Variants in RAD51B observed in about 807,000 individuals in gnomAD.
RAD51B encodes DNA repair protein RAD51 homolog 2.
RAD51B carries 38 observed loss-of-function variants against 42.2 expected under a neutral mutation model. That is an observed-to-expected ratio of 0.90 (90% confidence interval 0.70 to 1.18). RAD51B has a LOEUF of 1.18. Ranked by LOEUF, RAD51B falls within the 50% of genes most tolerant of loss-of-function variation. The probability of loss-of-function intolerance (pLI) is 0.00; values close to 1 mark genes in which losing one functional copy is unlikely to be tolerated. For synonymous variants in RAD51B, 154 were observed against 145.2 expected, an observed-to-expected ratio of 1.06 and a Z score of -0.43; for missense variants, 373 against 400.7, an observed-to-expected ratio of 0.93 and a Z score of 0.59.
chr14:68,225,381 T>C (rs2080016768), intron 7 of RAD51B, among the ~76,000 whole-genome samples: 1 of 152,232 alleles, frequency 6.6e-6, no homozygotes, highest in Admixed American at 6.5e-5. Flanking sequence ...ATTAGAAACA[T>C]GCTGAGAACT....
intron 10 of RAD51B, among the ~76,000 whole-genome samples, chr14:68,641,791 G>A (rs1892467487): frequency 1.3e-5 from 2 of 151,390 alleles, no homozygotes; most frequent in South Asian, 4.2e-4. Context: ...CAACTCCTGG[G>A]TTCAAGTGAT....
intron 7 of RAD51B, among the ~76,000 whole-genome samples, chr14:68,139,420 A>C (rs2078079124): frequency 6.6e-6 from 1 of 152,244 alleles, no homozygotes; most frequent in Admixed American, 6.5e-5. Context: ...CTTTGTATAA[A>C]ATTGTTCTTG....
chr14:68,257,398 TA>T (rs1473295299), intron 7 of RAD51B, among the ~76,000 whole-genome samples: 2 of 152,094 alleles, frequency 1.3e-5, no homozygotes, highest in Non-Finnish European at 2.9e-5. Flanking sequence ...AACAAAAAAT[TA>T]AAAATTAAAA....
At chr14:67,983,656 A>C (rs2075133628) in intron 7 of RAD51B, among the ~76,000 whole-genome samples, 1 of 152,154 alleles carries the variant, frequency 6.6e-6, no homozygotes, top group Non-Finnish European at 1.5e-5. Flanking sequence ...GCAGTGATTT[A>C]CCTAAGATGA....
intron 1 of RAD51B, among the ~76,000 whole-genome samples, chr14:67,821,086 G>A (rs1285250800): frequency 6.6e-6 from 1 of 152,210 alleles, no homozygotes; most frequent in African/African-American, 2.4e-5. Flanking sequence ...GCTACTCAAG[G>A]CAGGATTGTG....
intron 8 of RAD51B, among the ~76,000 whole-genome samples, chr14:68,392,898 C>T (rs2083799695): frequency 6.6e-6 from 1 of 152,208 alleles, no homozygotes. Context: ...GCCCTGTCAG[C>T]AGAACAGCTT....
At chr14:68,103,710 C>T (rs2077329718) in intron 7 of RAD51B, among the ~76,000 whole-genome samples, 1 of 152,038 alleles carries the variant, frequency 6.6e-6, no homozygotes, top group African/African-American at 2.4e-5. Context: ...CATGTCCTAC[C>T]CGCAAGGACA....
chr14:67,824,874 C>T (rs556797791), intron 2 of RAD51B, among the ~76,000 whole-genome samples: 2 of 151,174 alleles, frequency 1.3e-5, no homozygotes, highest in African/African-American at 2.4e-5. Flanking sequence ...GTCAGGAGTT[C>T]GAGACTAGCC....
At chr14:68,220,482 G>A (rs539028796) in intron 7 of RAD51B, among the ~76,000 whole-genome samples, 46 of 152,208 alleles carry the variant, frequency 3.0e-4, no homozygotes, top group East Asian at 1.5e-3. Context: ...AATATAAGCC[G>A]TCTATGACAC....
intron 5 of RAD51B, among the ~76,000 whole-genome samples, chr14:67,883,912 A>C (rs2042990911): frequency 6.6e-6 from 1 of 152,166 alleles, no homozygotes; most frequent in African/African-American, 2.4e-5. Context: ...TGCTTTTTAT[A>C]AACAGATATC....
intron 7 of RAD51B, among the ~76,000 whole-genome samples, chr14:68,044,220 G>A (rs570681047): frequency 6.6e-6 from 1 of 152,302 alleles, no homozygotes; most frequent in Admixed American, 6.5e-5. Context: ...AATTTACATG[G>A]ATATCTTTAG....
At chr14:68,054,577 A>G (rs760074226) in intron 7 of RAD51B, among the ~76,000 whole-genome samples, 20 of 152,122 alleles carry the variant, frequency 1.3e-4, no homozygotes, top group Non-Finnish European at 1.9e-4. Flanking sequence ...CAATAAATTT[A>G]CTTATTTACT....
intron 7 of RAD51B, among the ~76,000 whole-genome samples, chr14:68,120,936 A>C (rs1429617023): frequency 6.6e-6 from 1 of 152,166 alleles, no homozygotes; most frequent in African/African-American, 2.4e-5. Flanking sequence ...ATGCTTAAAA[A>C]GACATATTTT....
At chr14:68,011,057 A>T (rs895399295) in intron 7 of RAD51B, among the ~76,000 whole-genome samples, 1 of 151,974 alleles carries the variant, frequency 6.6e-6, no homozygotes, top group African/African-American at 2.4e-5. Context: ...TAATACTTCT[A>T]ATTTTCCAAG....
intron 7 of RAD51B, among the ~76,000 whole-genome samples, chr14:68,139,744 C>A (rs2078087633): frequency 6.6e-6 from 1 of 152,194 alleles, no homozygotes; most frequent in African/African-American, 2.4e-5. Context: ...CACTTTAAGC[C>A]TTTGGAAAAA....
chr14:68,213,790 TC>T (rs2079759140), intron 7 of RAD51B, among the ~76,000 whole-genome samples: 1 of 151,884 alleles, frequency 6.6e-6, no homozygotes, highest in African/African-American at 2.4e-5. Flanking sequence ...TGGATTTACA[TC>T]CTAAGAGGAA....
At chr14:67,993,352 C>T (rs1409640655) in intron 7 of RAD51B, among the ~76,000 whole-genome samples, 2 of 152,084 alleles carry the variant, frequency 1.3e-5, no homozygotes, top group African/African-American at 4.8e-5. Flanking sequence ...CGCTACACTC[C>T]CCAGCCTCTG....
chr14:67,921,622 C>CACAT (rs1491508018), intron 7 of RAD51B, among the ~76,000 whole-genome samples: 31 of 128,256 alleles, frequency 2.4e-4, no homozygotes, highest in African/African-American at 8.9e-4. Context: ...CACACACACA[C>CACAT]ATTTTGTGGT....
At chr14:68,416,120 C>A (rs1386798304) in intron 9 of RAD51B, among the ~76,000 whole-genome samples, 1 of 152,156 alleles carries the variant, frequency 6.6e-6, no homozygotes, top group African/African-American at 2.4e-5. Context: ...AGCTGCTGAT[C>A]CACACTTGAA....
Sources: gnomAD v4.1 joint callset for allele counts (sites outside exome capture counted in the v4.1 genomes callset) on GRCh38, gnomAD v4.1.1 for gene constraint, MANE v1.5 for transcripts, NCBI Gene and HGNC (gene_info 2026-07-23, HGNC 2026-07-21) for gene names.